Variants in DPYD observed in about 807,000 individuals in gnomAD.
DPYD encodes the protein dihydropyrimidine dehydrogenase [NADP(+)].
In DPYD, 109 loss-of-function variants were observed where a neutral mutation model predicts 116.2. That is an observed-to-expected ratio of 0.94 (90% CI 0.80 to 1.10). The LOEUF is 1.10. Among genes scored for constraint, DPYD ranks in the 50% least tolerant of loss-of-function variants. The pLI, the probability that DPYD is intolerant of heterozygous loss-of-function variation, is 0.00. For missense variants in DPYD, 1,302 were observed against 1,254.5 expected, an observed-to-expected ratio of 1.04 and a Z score of -0.57; for synonymous variants, 440 against 432.0, an observed-to-expected ratio of 1.02 and a Z score of -0.23.
chr1:97,709,062 T>C (rs377267728), intron 5 of DPYD, among the ~76,000 whole-genome samples: 2 of 151,980 alleles, frequency 1.3e-5, no homozygotes, highest in East Asian at 1.9e-4. Flanking sequence ...TAGACAATTC[T>C]GCCACCTGCT....
intron 3 of DPYD, among the ~76,000 whole-genome samples, chr1:97,811,204 T>C (rs1219483300): frequency 6.6e-6 from 1 of 152,124 alleles, no homozygotes; most frequent in Non-Finnish European, 1.5e-5. Context: ...TTCTTCCTCT[T>C]TGTAGAATTA....
intron 13 of DPYD, among the ~76,000 whole-genome samples, chr1:97,499,290 G>C (rs1679444550): frequency 6.6e-6 from 1 of 151,566 alleles, no homozygotes; most frequent in African/African-American, 2.4e-5. Flanking sequence ...AGTCTTCCAA[G>C]ACTTTGTAAC....
At chr1:97,387,503 G>C (rs1672419701) in intron 14 of DPYD, among the ~76,000 whole-genome samples, 1 of 151,970 alleles carries the variant, frequency 6.6e-6, no homozygotes, top group Non-Finnish European at 1.5e-5. Flanking sequence ...TACTTTAATT[G>C]GACCATTTCC....
At chr1:97,572,452 A>T (rs933207559) in intron 11 of DPYD, among the ~76,000 whole-genome samples, 2 of 151,972 alleles carry the variant, frequency 1.3e-5, no homozygotes, top group Non-Finnish European at 2.9e-5. Flanking sequence ...TCAATTATGG[A>T]ACACAAATTT....
At chr1:97,155,635 T>C (rs1655390140) in intron 20 of DPYD, among the ~76,000 whole-genome samples, 1 of 152,192 alleles carries the variant, frequency 6.6e-6, no homozygotes, top group Admixed American at 6.5e-5. Flanking sequence ...CCTTATTTGA[T>C]ATTATTATTT....
chr1:97,754,072 C>T (rs572572935), intron 3 of DPYD, among the ~76,000 whole-genome samples: 2 of 152,028 alleles, frequency 1.3e-5, no homozygotes, highest in East Asian at 3.9e-4. Context: ...GCTGATGTTG[C>T]ACATAAAGAA....
chr1:97,601,029 A>G (rs1189994462), intron 8 of DPYD, among the ~76,000 whole-genome samples: 1 of 152,150 alleles, frequency 6.6e-6, no homozygotes, highest in Non-Finnish European at 1.5e-5. Flanking sequence ...ACTCCTGCTC[A>G]AAGTGTCATT....
intron 18 of DPYD, among the ~76,000 whole-genome samples, chr1:97,242,388 T>C (rs138415030): frequency 4.5e-4 from 68 of 151,240 alleles, no homozygotes; most frequent in African/African-American, 1.6e-3. Context: ...TAATTTATAA[T>C]GTTAAGAGTT....
chr1:97,216,183 T>C (rs1660382638), intron 19 of DPYD, among the ~76,000 whole-genome samples: 2 of 152,204 alleles, frequency 1.3e-5, no homozygotes, highest in Admixed American at 1.3e-4. Flanking sequence ...TAAAAATTCA[T>C]GTCTCTGTCT....
In DPYD at chr1:97,761,673, C is replaced by T. The variant is rs187730590; in HGVS notation, c.234-21194G>A. Among the ~76,000 whole-genome samples the T allele has an allele frequency of 1.2e-3, 186 of 152,152 alleles. No individual in the cohort carries two copies. The Middle Eastern group carries it at 0.024, about 19-fold the overall frequency. The stretch of plus-strand genomic sequence containing the variant: ...AATCAAGCAATCTTATTACTAGGTA[C>T]ATAAATCATTCTACCATAAAGACAC... On this transcript the variant is annotated intron_variant, in intron 3 of 22. Coordinates refer to ENST00000370192, the MANE Select transcript of DPYD (RefSeq NM_000110.4).
At chr1:97,481,828 T>G (rs1678332299) in intron 13 of DPYD, among the ~76,000 whole-genome samples, 1 of 152,162 alleles carries the variant, frequency 6.6e-6, no homozygotes, top group Admixed American at 6.5e-5. Flanking sequence ...TATTTTAAAT[T>G]ACCAGTTCTT....
intron 8 of DPYD, among the ~76,000 whole-genome samples, chr1:97,641,769 G>A (rs1657920618): frequency 6.6e-6 from 1 of 152,118 alleles, no homozygotes; most frequent in African/African-American, 2.4e-5. Context: ...GCAAGAGAAA[G>A]AAATAAAGGG....
At chr1:97,848,243 G>A (rs1052934129) in intron 2 of DPYD, among the ~76,000 whole-genome samples, 2 of 152,166 alleles carry the variant, frequency 1.3e-5, no homozygotes, top group Admixed American at 6.5e-5. Context: ...AACTATAGGC[G>A]CCTGCCACCA....
At chr1:97,186,670 G>A (rs1357564308) in intron 20 of DPYD, among the ~76,000 whole-genome samples, 1 of 152,086 alleles carries the variant, frequency 6.6e-6, no homozygotes, top group Non-Finnish European at 1.5e-5. Flanking sequence ...ACAACATGGA[G>A]GAACGCTGTC....
intron 1 of DPYD, among the ~76,000 whole-genome samples, chr1:97,889,981 T>A (rs1672698828): frequency 6.6e-6 from 1 of 152,042 alleles, no homozygotes; most frequent in Non-Finnish European, 1.5e-5. Flanking sequence ...TGATGAATAC[T>A]GTAAACATTA....
chr1:97,243,428 G>A (rs1468318834), intron 18 of DPYD, among the ~76,000 whole-genome samples: 1 of 151,812 alleles, frequency 6.6e-6, no homozygotes, highest in Non-Finnish European at 1.5e-5. Context: ...TTTTATAGAT[G>A]TGTAAACTGA....
intron 18 of DPYD, among the ~76,000 whole-genome samples, chr1:97,298,714 C>T (rs777065955): frequency 2.4e-4 from 36 of 152,152 alleles, no homozygotes; most frequent in Non-Finnish European, 4.1e-4. Flanking sequence ...GGATTTAGGA[C>T]GACGAATGGA....
Position 97,699,346 on chromosome 1 carries a change from A to T in DPYD, c.680+5T>A. 6.2e-7 allele frequency: 1 copy of T among 1,612,510 alleles called. No homozygotes were observed. Among genetic ancestry groups the T allele is most frequent in the Non-Finnish European group, 8.5e-7 (1 of 1,178,636 alleles). On this transcript the variant is annotated splice_donor_5th_base_variant and intron_variant, in intron 6 of 22. Transcript: ENST00000370192. ...CTATAAACATGAAATAAATGTAGGCATTACCTTAAACCACCAACATATTCT... is the reference window on the plus strand; with the variant it reads ...CTATAAACATGAAATAAATGTAGGCTTTACCTTAAACCACCAACATATTCT...
intron 7 of DPYD, among the ~76,000 whole-genome samples, chr1:97,690,914 AT>A (rs1660979749): frequency 6.6e-6 from 1 of 152,050 alleles, no homozygotes; most frequent in South Asian, 2.1e-4. Flanking sequence ...TTATTGATTC[AT>A]TTTAAGTTTT....
Sources: gnomAD v4.1 joint callset for allele counts (sites outside exome capture counted in the v4.1 genomes callset) on GRCh38, gnomAD v4.1.1 for gene constraint, MANE v1.5 for transcripts, NCBI Gene and HGNC (gene_info 2026-07-23, HGNC 2026-07-21) for gene names.